Variants in ADGRL3 observed in about 807,000 individuals in gnomAD.
ADGRL3 encodes the protein calcium-independent alpha-latrotoxin receptor 3.
ADGRL3 carries 62 observed loss-of-function variants against 153.5 expected under a neutral mutation model. That is an observed-to-expected ratio of 0.40 (90% confidence interval 0.33 to 0.50). The LOEUF (loss-of-function observed/expected upper bound fraction) is 0.50. ADGRL3 is among the 20% of genes least tolerant of loss of function. The pLI, the probability that ADGRL3 is intolerant of heterozygous loss-of-function variation, is 0.47. For missense variants in ADGRL3, 1,641 were observed against 1,859.4 expected (o/e 0.88, Z 2.16); for synonymous variants, 710 against 672.5 (o/e 1.06, Z -0.86).
chr4:61,210,192 T>A (rs1739263126), intron 1 of ADGRL3, among the ~76,000 whole-genome samples: 1 of 152,152 alleles, frequency 6.6e-6, no homozygotes, highest in African/African-American at 2.4e-5. Flanking sequence ...TAAAAATGAA[T>A]GAAAAAGTAA....
rs1392570790 is a variant in ADGRL3 at position 61,432,630 on chromosome 4, CTTTCTTTCTTTCTTTCTTTCT to C, written c.-174+49444_-174+49464del. Among the ~76,000 whole-genome samples the C allele has an allele frequency of 1.6e-3, 80 of 50,518 alleles. 5 individuals are homozygous for C. The highest frequency in any genetic ancestry group is 5.7e-3 in the African/African-American group (75 of 13,260). 33.1% of individuals were successfully genotyped at this position (50,518 alleles called of 152,430 possible). ...TCTTTCTTTCTTTCTTTCTTTCTTT[CTTTCTTTCTTTCTTTCTTTCT>C]TTCTTTTTTTTTTTTTTTTGAGACA... On this transcript the variant is annotated intron_variant, in intron 2 of 26. Coordinates refer to ENST00000683033, the MANE Select transcript of ADGRL3 (RefSeq NM_001387552.1).
At chr4:61,768,359 G>A (rs1466483000) in intron 8 of ADGRL3, among the ~76,000 whole-genome samples, 2 of 151,852 alleles carry the variant, frequency 1.3e-5, no homozygotes, top group African/African-American at 2.4e-5. Context: ...GGTCAGATGG[G>A]TCTGTAGAAA....
chr4:61,480,699 CTT>C lies in ADGRL3; in HGVS notation c.-173-16421_-173-16420del, dbSNP rs761794292. On this transcript the variant is annotated intron_variant, in intron 2 of 26. Coordinates refer to ENST00000683033, the MANE Select transcript of ADGRL3 (RefSeq NM_001387552.1). Reference sequence around the variant, plus strand: ...TCGGGAGACTGAGGCAGGAGAATCTCTTGAACCCAGGAGGCAGAGGTTGCCAT... The same window carrying C: ...TCGGGAGACTGAGGCAGGAGAATCTCGAACCCAGGAGGCAGAGGTTGCCAT... Among the ~76,000 whole-genome samples the C allele has an allele frequency of 4.6e-5, 7 of 152,200 alleles. No homozygotes were observed. The East Asian group carries it at 7.7e-4, about 17-fold the overall frequency.
intron 9 of ADGRL3, among the ~76,000 whole-genome samples, chr4:61,891,257 A>C (rs1252618328): frequency 6.6e-6 from 1 of 152,158 alleles, no homozygotes; most frequent in Non-Finnish European, 1.5e-5. Flanking sequence ...AATCAAAAAG[A>C]CTTGGTTATT....
At chr4:61,557,096 A>C (rs890516052) in intron 4 of ADGRL3, among the ~76,000 whole-genome samples, 7 of 152,202 alleles carry the variant, frequency 4.6e-5, no homozygotes, top group African/African-American at 1.7e-4. Flanking sequence ...CAGAGGTAAG[A>C]TAAAAGATGA....
intron 6 of ADGRL3, among the ~76,000 whole-genome samples, chr4:61,727,302 A>C (rs1307876953): frequency 6.6e-6 from 1 of 152,152 alleles, no homozygotes; most frequent in Non-Finnish European, 1.5e-5. Flanking sequence ...TTATGACATT[A>C]AGTTTGAGAA....
chr4:61,935,284 T>A (rs1483166862), intron 14 of ADGRL3, among the ~76,000 whole-genome samples: 1 of 152,172 alleles, frequency 6.6e-6, no homozygotes, highest in African/African-American at 2.4e-5. Context: ...ACAGTGAGGT[T>A]CGTTTTTTTA....
chr4:61,369,165 T>C (rs2096468975), intron 1 of ADGRL3, among the ~76,000 whole-genome samples: 1 of 152,198 alleles, frequency 6.6e-6, no homozygotes, highest in African/African-American at 2.4e-5. Context: ...TACAATCATG[T>C]CATCTGCAAA....
At chr4:61,668,383 C>A (rs2094875454) in intron 5 of ADGRL3, among the ~76,000 whole-genome samples, 1 of 152,138 alleles carries the variant, frequency 6.6e-6, no homozygotes, top group Non-Finnish European at 1.5e-5. Flanking sequence ...GTCTTCTGAC[C>A]TTCACAACTA....
chr4:61,452,399 A>G (rs2097686582), intron 2 of ADGRL3, among the ~76,000 whole-genome samples: 1 of 152,206 alleles, frequency 6.6e-6, no homozygotes, highest in Non-Finnish European at 1.5e-5. Flanking sequence ...ACCTGGCTGC[A>G]AAAAACATCT....
At chr4:61,508,793 G>A (rs2098446196) in intron 3 of ADGRL3, among the ~76,000 whole-genome samples, 1 of 152,054 alleles carries the variant, frequency 6.6e-6, no homozygotes, top group African/African-American at 2.4e-5. Flanking sequence ...TCATGCTGCT[G>A]ATAAAGACAT....
intron 2 of ADGRL3, among the ~76,000 whole-genome samples, chr4:61,392,528 A>G (rs2152028359): frequency 6.6e-6 from 1 of 151,704 alleles, no homozygotes; most frequent in South Asian, 2.1e-4. Flanking sequence ...TCTACTAAGA[A>G]TACAAAAACT....
chr4:61,389,124 C>T (rs1176142991), intron 2 of ADGRL3, among the ~76,000 whole-genome samples: 1 of 152,174 alleles, frequency 6.6e-6, no homozygotes, highest in East Asian at 1.9e-4. Flanking sequence ...CTGGAAGCAG[C>T]ATGCATGATC....
chr4:61,899,920 C>T (rs535046377), intron 11 of ADGRL3, among the ~76,000 whole-genome samples: 2 of 152,232 alleles, frequency 1.3e-5, no homozygotes, highest in Admixed American at 1.3e-4. Flanking sequence ...CCCTTCCCAG[C>T]GGCCCCACCT....
At chr4:61,731,565 A>G (rs2096443440) in intron 7 of ADGRL3, among the ~76,000 whole-genome samples, 1 of 152,056 alleles carries the variant, frequency 6.6e-6, no homozygotes, top group Non-Finnish European at 1.5e-5. Flanking sequence ...GCGGAATTCT[A>G]TACTCCAAAG....
At chr4:61,918,903 C>G (rs1438952350) in intron 13 of ADGRL3, among the ~76,000 whole-genome samples, 1 of 152,136 alleles carries the variant, frequency 6.6e-6, no homozygotes, top group Non-Finnish European at 1.5e-5. Context: ...TTGAATTATG[C>G]CAGTTTTACT....
rs544995450 is a variant in ADGRL3, at chr4:62,041,610, A to G, written c.3718-2843A>G. ...TATGCCTTCCTCCAGAAAGGCTCCTAAATTTTGTTTTTCCATTCCCGCAAC... is the reference window on the plus strand; with the variant it reads ...TATGCCTTCCTCCAGAAAGGCTCCTGAATTTTGTTTTTCCATTCCCGCAAC... On this transcript the variant is annotated intron_variant, in intron 24 of 26. Coordinates refer to ENST00000683033, the MANE Select transcript of ADGRL3 (RefSeq NM_001387552.1). Among the ~76,000 whole-genome samples, 15 of 152,108 alleles carry G rather than the reference A, an allele frequency of 9.9e-5. No individual in the cohort carries two copies. In the East Asian group the frequency reaches 1.5e-3, roughly 16 times the overall value.
intron 4 of ADGRL3, chr4:61,579,548 G>A (rs772513748): frequency 4.4e-5 from 22 of 497,126 alleles, no homozygotes; most frequent in African/African-American, 2.4e-4. Context: ...TCAGGTAGAC[G>A]ATTTCATTTG....
At chr4:61,312,346 T>C (rs1376648422) in intron 1 of ADGRL3, among the ~76,000 whole-genome samples, 3 of 152,172 alleles carry the variant, frequency 2.0e-5, no homozygotes, top group Non-Finnish European at 1.5e-5. Context: ...TGAGAAAATC[T>C]AGGTGACCTT....
Sources: gnomAD v4.1 joint callset for allele counts (sites outside exome capture counted in the v4.1 genomes callset) on GRCh38, gnomAD v4.1.1 for gene constraint, MANE v1.5 for transcripts, NCBI Gene and HGNC (gene_info 2026-07-23, HGNC 2026-07-21) for gene names.